MTUS1: variants seen among roughly 807,000 people sequenced by gnomAD.
MTUS1 encodes the protein microtubule associated scaffold protein 1, also known as microtubule-associated tumor suppressor 1.
A neutral mutation model predicts 120.8 loss-of-function variants in MTUS1; 109 were observed. The ratio of observed to expected loss-of-function variants is 0.90; its 90% CI spans 0.77 to 1.06. The LOEUF is 1.06. Ranked by LOEUF, MTUS1 falls within the 50% of genes least tolerant of loss-of-function variation. The pLI is 0.00. For synonymous variants in MTUS1, 737 were observed against 550.5 expected (o/e 1.34, Z -4.74); for missense variants, 2,210 against 1,486.3 (o/e 1.49, Z -8.01).
At chr8:17,742,467 TC>T (rs2047412058) in intron 3 of MTUS1, among the ~76,000 whole-genome samples, 1 of 151,846 alleles carries the variant, frequency 6.6e-6, no homozygotes, top group Non-Finnish European at 1.5e-5. Flanking sequence ...TGTGGCAATA[TC>T]CCAAATAAGA....
At chr8:17,730,954 G>A (rs1297651672) in intron 3 of MTUS1, among the ~76,000 whole-genome samples, 1 of 151,818 alleles carries the variant, frequency 6.6e-6, no homozygotes, top group African/African-American at 2.4e-5. Flanking sequence ...TTAAAAAATT[G>A]TTAAAATGGC....
intron 1 of MTUS1, among the ~76,000 whole-genome samples, chr8:17,787,506 C>G (rs1451159802): frequency 6.6e-6 from 1 of 152,220 alleles, no homozygotes; most frequent in Admixed American, 6.5e-5. Context: ...ATCACCTAAA[C>G]ACCTGGTAGG....
intron 1 of MTUS1, among the ~76,000 whole-genome samples, chr8:17,792,182 T>C (rs2051844762): frequency 6.6e-6 from 1 of 152,120 alleles, no homozygotes; most frequent in Non-Finnish European, 1.5e-5. Context: ...GGGCAAAATC[T>C]AGCTAAATGG....
chr8:17,653,548 A>T (rs778748178), intron 10 of MTUS1, 50 bp from the exon 11 acceptor site: 7 of 1,335,836 alleles, frequency 5.2e-6, no homozygotes, highest in African/African-American at 2.9e-5. Flanking sequence ...TATGAGATCA[A>T]TGTACTCTAA....
At chr8:17,657,981 A>G (rs1387699077) in intron 8 of MTUS1, among the ~76,000 whole-genome samples, 1 of 151,252 alleles carries the variant, frequency 6.6e-6, no homozygotes, top group African/African-American at 2.4e-5. Flanking sequence ...ATATACATAT[A>G]CATATATAAT....
rs528025019 is a variant in MTUS1, at chr8:17,790,645, A to G, written c.-155+10416T>C. On this transcript the variant is annotated intron_variant, in intron 1 of 14. Transcript: ENST00000693296. ...TTCTGTGATTAGAAAATGTGAAAAT[A>G]AACCGTAATTCTCAGCTATGTCATT... Among the ~76,000 whole-genome samples the G allele has an allele frequency of 1.6e-4, 24 of 152,352 alleles. No homozygotes were observed. The South Asian group carries it at 3.7e-3, about 24-fold the overall frequency.
rs35308070 is a variant in MTUS1 at position 17,662,349 on chromosome 8, ATTTTTTTTT to A, written c.2906-6293_2906-6285del. Among the ~76,000 whole-genome samples, 29 of 112,682 alleles carry A rather than the reference ATTTTTTTTT, an allele frequency of 2.6e-4. 1 individual carries two copies. Among genetic ancestry groups the A allele is most frequent in the South Asian group, 2.2e-3 (8 of 3,564 alleles). 73.9% of individuals were successfully genotyped at this position (112,682 alleles called of 152,430 possible). On this transcript the variant is annotated intron_variant, in intron 8 of 14. Transcript: ENST00000693296. ...AAGTCAAAGTAGTCTTTTTGTCCCT[ATTTTTTTTT>A]TTTTTTTTTTTTTTTGAGATAGAGT...
At chr8:17,659,824 T>G (rs958585882) in intron 8 of MTUS1, among the ~76,000 whole-genome samples, 2 of 152,208 alleles carry the variant, frequency 1.3e-5, no homozygotes, top group African/African-American at 2.4e-5. Context: ...TCATCCATTC[T>G]CCAGAACGTT....
chr8:17,746,813 G>A (rs966089157), intron 2 of MTUS1, among the ~76,000 whole-genome samples: 8 of 152,174 alleles, frequency 5.3e-5, no homozygotes, highest in African/African-American at 1.9e-4. Context: ...ATCCTGTGAA[G>A]TTGGTAGGTT....
At chr8:17,779,223 G>A (rs535033027) in intron 1 of MTUS1, among the ~76,000 whole-genome samples, 2 of 152,226 alleles carry the variant, frequency 1.3e-5, no homozygotes, top group East Asian at 3.9e-4. Flanking sequence ...TGTGACGGGT[G>A]GTTACAGTTT....
At chr8:17,732,582 T>C (rs939892674) in intron 3 of MTUS1, among the ~76,000 whole-genome samples, 1 of 152,208 alleles carries the variant, frequency 6.6e-6, no homozygotes, top group African/African-American at 2.4e-5. Context: ...TTTATATCTG[T>C]AGACCAGATT....
intron 3 of MTUS1, among the ~76,000 whole-genome samples, chr8:17,736,972 T>G (rs1453245087): frequency 6.6e-6 from 1 of 152,218 alleles, no homozygotes; most frequent in Admixed American, 6.5e-5. Flanking sequence ...AGCTCCCTAA[T>G]GGAAGGAACG....
chr8:17,670,034 G>C (rs138155314), intron 8 of MTUS1, among the ~76,000 whole-genome samples: 8 of 152,306 alleles, frequency 5.3e-5, no homozygotes, highest in African/African-American at 1.9e-4. Flanking sequence ...GCTGAGCAGG[G>C]ATGGATCCAA....
chr8:17,770,256 G>C (rs1023564627), intron 1 of MTUS1, among the ~76,000 whole-genome samples: 1 of 152,038 alleles, frequency 6.6e-6, no homozygotes, highest in African/African-American at 2.4e-5. Flanking sequence ...AAACGTTCTA[G>C]AATTTAGCCT....
At chr8:17,722,329 C>G (rs1019352726) in intron 4 of MTUS1, 7 of 969,258 alleles carry the variant, frequency 7.2e-6, no homozygotes, top group Non-Finnish European at 8.6e-6. Flanking sequence ...AACAGTTTTT[C>G]TAGAGCATGT....
chr8:17,715,127 AACTCCTG>A lies in MTUS1; in HGVS notation c.2584+633_2584+639del, dbSNP rs1339589089. ...TGCCATGTCGGCCAGGCTGGTCTCAAACTCCTGACCTCAAGCAATCCACCTGTCTTGG... is the reference window on the plus strand; with the variant it reads ...TGCCATGTCGGCCAGGCTGGTCTCAAACCTCAAGCAATCCACCTGTCTTGG... On this transcript the variant is annotated intron_variant, in intron 5 of 14. Coordinates refer to ENST00000693296, the MANE Select transcript of MTUS1 (RefSeq NM_001363059.2). Among the ~76,000 whole-genome samples the A allele has an allele frequency of 2.0e-5, 3 of 151,762 alleles. No homozygotes were observed. In the East Asian group the frequency reaches 5.8e-4, roughly 29 times the overall value.
intron 8 of MTUS1, 127 bp from the exon 9 acceptor site, chr8:17,656,192 G>A: frequency 1.3e-6 from 1 of 797,794 alleles, no homozygotes; most frequent in Non-Finnish European, 2.1e-6. Context: ...GGTCTCTAGT[G>A]ACCATGTCTT....
intron 2 of MTUS1, among the ~76,000 whole-genome samples, chr8:17,747,346 A>C (rs1327226562): frequency 1.3e-5 from 2 of 152,088 alleles, no homozygotes; most frequent in Non-Finnish European, 2.9e-5. Context: ...TGTCCCCTAT[A>C]AGCCTTCCTT....
At chr8:17,753,682 C>G in intron 2 of MTUS1, 35 bp downstream of exon 2, 1 of 1,424,064 alleles carries the variant, frequency 7.0e-7, no homozygotes, top group Non-Finnish European at 9.5e-7. Context: ...CCACAGTTCT[C>G]TGAAGCATGC....
Sources: allele counts gnomAD v4.1 joint callset (sites outside exome capture counted in the v4.1 genomes callset), GRCh38; gene constraint gnomAD v4.1.1; transcripts MANE v1.5; gene names NCBI Gene and HGNC (gene_info 2026-07-23, HGNC 2026-07-21).